The following CCDC3 variants were observed in gnomAD, a reference collection of about 807,000 sequenced individuals.
The protein encoded by CCDC3 is coiled-coil domain containing 3, also known as coiled-coil domain-containing protein 3.
In CCDC3, 24 loss-of-function variants were observed where a neutral mutation model predicts 21.4. The ratio of observed to expected loss-of-function variants is 1.12; its 90% confidence interval spans 0.81 to 1.58. The LOEUF is 1.58. Ranked by LOEUF, CCDC3 falls within the 40% of genes most tolerant of loss-of-function variation. The probability of loss-of-function intolerance (pLI) is 0.00; values close to 1 mark genes in which losing one functional copy is unlikely to be tolerated. For missense variants in CCDC3, 425 were observed against 360.9 expected, an observed-to-expected ratio of 1.18 and a Z score of -1.44; for synonymous variants, 186 against 166.0, an observed-to-expected ratio of 1.12 and a Z score of -0.93.
In CCDC3 at chr10:12,917,360, A is replaced by AT. The variant is rs1186473502; in HGVS notation, c.550-18682dup. 1.7e-3 allele frequency among the ~76,000 whole-genome samples: 254 copies of AT among 149,914 alleles called. 1 individual carries two copies. The highest frequency in any genetic ancestry group is 4.5e-3 in the African/African-American group (185 of 40,906). On this transcript the variant is annotated intron_variant, in intron 2 of 2. Coordinates refer to ENST00000378825, the MANE Select transcript of CCDC3 (RefSeq NM_031455.4). ...AGGTACCCGCCACCATACCCGGCTA[A>AT]TTTTTTTTTGTATTTTTAGTAGAGA...
At chr10:13,093,405 C>T (rs1832599481) in intron 3 of CCDC3, among the ~76,000 whole-genome samples, 1 of 152,150 alleles carries the variant, frequency 6.6e-6, no homozygotes, top group Non-Finnish European at 1.5e-5. Flanking sequence ...CCTCCCACAA[C>T]ACACGGGAAT....
At chr10:13,079,065 T>G (rs995711029) in intron 3 of CCDC3, among the ~76,000 whole-genome samples, 1 of 152,250 alleles carries the variant, frequency 6.6e-6, no homozygotes, top group African/African-American at 2.4e-5. Context: ...GTCACCATTA[T>G]TCCATCTGCG....
At chr10:12,920,798 C>T (rs1300000138) in intron 2 of CCDC3, among the ~76,000 whole-genome samples, 2 of 152,256 alleles carry the variant, frequency 1.3e-5, no homozygotes, top group Non-Finnish European at 1.5e-5. Flanking sequence ...CCTAAGTCCC[C>T]GTGACAAGTG....
chr10:13,031,155 A>T (rs1836295178), intron 5 of CCDC3, among the ~76,000 whole-genome samples: 1 of 152,262 alleles, frequency 6.6e-6, no homozygotes, highest in Non-Finnish European at 1.5e-5. Context: ...CTCTCAGACC[A>T]CAGTGCAATC....
chr10:13,087,019 T>C lies in CCDC3; in HGVS notation c.-503+11506A>G, dbSNP rs11258180. Among the ~76,000 whole-genome samples, 109 of 152,326 alleles carry C rather than the reference T, an allele frequency of 7.2e-4. 4 individuals are homozygous for C. The East Asian group carries it at 0.016, about 22-fold the overall frequency. ...TCAAACCTGGCACAGACACATCTTC[T>C]CAGCTGTATCCTAAAGCCTGTTGGC... is the stretch of plus-strand genomic sequence containing the variant. On this transcript the variant is annotated intron_variant, in intron 3 of 6. Coordinates refer to the CCDC3 transcript ENST00000378839.
In CCDC3 at chr10:13,088,675, G is replaced by C. The variant is rs186789817; in HGVS notation, c.-503+9850C>G. 2.6e-5 allele frequency among the ~76,000 whole-genome samples: 4 copies of C among 152,292 alleles called. No individual in the cohort carries two copies. The East Asian group carries it at 5.8e-4, about 22-fold the overall frequency. The stretch of plus-strand genomic sequence containing the variant: ...CACAGGCAAAAGAAGCAAATGAGGC[G>C]TTAAGCAGCATTAAGGAGACAAGAC... On this transcript the variant is annotated intron_variant, in intron 3 of 6. Coordinates refer to the CCDC3 transcript ENST00000378839.
At chr10:12,958,930 T>C (rs1199363645) in intron 2 of CCDC3, among the ~76,000 whole-genome samples, 1 of 152,186 alleles carries the variant, frequency 6.6e-6, no homozygotes, top group Non-Finnish European at 1.5e-5. Flanking sequence ...CAGTTCTAAT[T>C]GGCCAGTCCT....
At chr10:13,066,377 T>C (rs1029027138) in intron 4 of CCDC3, among the ~76,000 whole-genome samples, 2 of 152,216 alleles carry the variant, frequency 1.3e-5, no homozygotes, top group African/African-American at 4.8e-5. Flanking sequence ...CCAGGGTATG[T>C]TTTAGCAGAT....
rs1174260591 is a variant in CCDC3 at position 12,983,128 on chromosome 10, GTGTATATA to G, written c.549+15202_549+15209del. 6.1e-3 allele frequency among the ~76,000 whole-genome samples: 721 copies of G among 117,788 alleles called. 24 individuals carry two copies. Among genetic ancestry groups the G allele is most frequent in the African/African-American group, 0.02 (623 of 30,890 alleles). The allele number at this position is 117,788 out of a possible 152,430, so 77.3% of individuals were successfully genotyped here. ...AAAAAATAAATAAATAAATAAAATA[GTGTATATA>G]TATATATATATATATATATATATAT... On this transcript the variant is annotated intron_variant, in intron 2 of 2. Coordinates refer to ENST00000378825, the MANE Select transcript of CCDC3 (RefSeq NM_031455.4).
intron 3 of CCDC3, among the ~76,000 whole-genome samples, chr10:13,083,362 G>C (rs1413021084): frequency 6.6e-6 from 1 of 152,226 alleles, no homozygotes; most frequent in African/African-American, 2.4e-5. Flanking sequence ...AAAAAACTAT[G>C]AAATCAAGAG....
chr10:12,961,547 A>T (rs1282364112), intron 2 of CCDC3, among the ~76,000 whole-genome samples: 1 of 152,208 alleles, frequency 6.6e-6, no homozygotes, highest in Non-Finnish European at 1.5e-5. Context: ...ATTTTGGCAT[A>T]AACAATTTTC....
chr10:12,990,691 TG>T (rs1346970364), intron 2 of CCDC3, among the ~76,000 whole-genome samples: 1 of 152,174 alleles, frequency 6.6e-6, no homozygotes, highest in Non-Finnish European at 1.5e-5. Flanking sequence ...AGATCAATAG[TG>T]GTATTAACAA....
intron 2 of CCDC3, among the ~76,000 whole-genome samples, chr10:12,992,554 A>G (rs182181610): frequency 6.6e-6 from 1 of 152,276 alleles, no homozygotes; most frequent in Non-Finnish European, 1.5e-5. Context: ...TAACTCAGGA[A>G]TGGAAAATCA....
chr10:12,906,345 C>T (rs1322632158), intron 2 of CCDC3, among the ~76,000 whole-genome samples: 1 of 152,132 alleles, frequency 6.6e-6, no homozygotes, highest in Non-Finnish European at 1.5e-5. Flanking sequence ...ACGCTCATGC[C>T]CAGGCTGTGG....
At chr10:13,058,056 T>G in intron 4 of CCDC3, 1 of 750,712 alleles carries the variant, frequency 1.3e-6, no homozygotes, top group Non-Finnish European at 2.4e-6. Context: ...AAGTAGCACA[T>G]GTAATCTGCA....
chr10:12,942,378 G>A (rs1393923878), intron 2 of CCDC3, among the ~76,000 whole-genome samples: 1 of 152,152 alleles, frequency 6.6e-6, no homozygotes, highest in Non-Finnish European at 1.5e-5. Context: ...AAAGTCGTCG[G>A]CAAAGTTTCC....
intron 5 of CCDC3, among the ~76,000 whole-genome samples, chr10:13,022,251 C>T (rs1564323294): frequency 6.6e-6 from 1 of 152,098 alleles, no homozygotes; most frequent in East Asian, 1.9e-4. Flanking sequence ...TCCTCTCTCT[C>T]TTTTTTTCAC....
chr10:12,969,565 T>G lies in CCDC3; in HGVS notation c.549+28773A>C, dbSNP rs1835310739. 2.0e-5 allele frequency among the ~76,000 whole-genome samples: 3 copies of G among 151,562 alleles called. No individual in the cohort carries two copies. The South Asian group carries it at 6.2e-4, about 31-fold the overall frequency. On this transcript the variant is annotated intron_variant, in intron 2 of 2. Transcript: ENST00000378825. ...CTACTGGGTACATATCCAAAGGATA[T>G]GATAACAGTATGAAAAAGAAGCCAA... is the stretch of plus-strand genomic sequence containing the variant.
intron 4 of CCDC3, among the ~76,000 whole-genome samples, chr10:13,052,288 G>A (rs1267126166): frequency 2.6e-5 from 4 of 151,896 alleles, no homozygotes; most frequent in African/African-American, 7.3e-5. Flanking sequence ...CGGGAAGATC[G>A]CTCAAGCCCA....
Sources: allele counts gnomAD v4.1 joint callset (sites outside exome capture counted in the v4.1 genomes callset), GRCh38; gene constraint gnomAD v4.1.1; transcripts MANE v1.5; gene names NCBI Gene and HGNC (gene_info 2026-07-23, HGNC 2026-07-21).